CD36: variants seen among roughly 807,000 people sequenced by gnomAD.
CD36 encodes platelet glycoprotein 4.
A neutral mutation model predicts 55.2 loss-of-function variants in CD36; 119 were observed. That is an observed-to-expected ratio of 2.15 (90% confidence interval 1.86 to 2.51). CD36 has a LOEUF of 2.51. Ranked by LOEUF, CD36 falls within the 30% of genes most tolerant of loss-of-function variation. The pLI, the probability that CD36 is intolerant of heterozygous loss-of-function variation, is 0.00. For missense variants in CD36, 819 were observed against 555.5 expected (o/e 1.47, Z -4.77); for synonymous variants, 186 against 193.6 (o/e 0.96, Z 0.33).
chr7:80,635,506 C>T (rs889160992), upstream of CD36, among the ~76,000 whole-genome samples: 2 of 152,088 alleles, frequency 1.3e-5, no homozygotes, highest in African/African-American at 4.8e-5. Flanking sequence ...AACTCCTGAC[C>T]TCAAGTGATC....
intron 1 of CD36, among the ~76,000 whole-genome samples, chr7:80,604,392 G>T (rs1792426210): frequency 1.4e-4 from 6 of 41,702 alleles, no homozygotes; most frequent in East Asian, 6.7e-4. Context: ...TTTTTTTTTA[G>T]CAAAGTATGC....
At chr7:80,663,574 T>TTTTAA (rs1249312704) in intron 6 of CD36, among the ~76,000 whole-genome samples, 2 of 147,616 alleles carry the variant, frequency 1.4e-5, no homozygotes, top group Non-Finnish European at 2.9e-5. Context: ...CCTCTTACAA[T>TTTTAA]TTTAATTTAT....
upstream of CD36, among the ~76,000 whole-genome samples, chr7:80,637,568 G>C (rs1165402576): frequency 1.3e-5 from 2 of 150,602 alleles, no homozygotes; most frequent in African/African-American, 2.4e-5. Context: ...GAGTGTTTGG[G>C]GTTTTTTTTT....
chr7:80,663,774 G>GCTAA (rs1483027978), intron 6 of CD36, among the ~76,000 whole-genome samples: 4 of 152,106 alleles, frequency 2.6e-5, no homozygotes, highest in Admixed American at 1.3e-4. Flanking sequence ...AATAGGATAA[G>GCTAA]CTAACTACTG....
At chr7:80,651,617 G>A (rs1359921899) in intron 3 of CD36, among the ~76,000 whole-genome samples, 1 of 152,000 alleles carries the variant, frequency 6.6e-6, no homozygotes, top group Non-Finnish European at 1.5e-5. Context: ...CATTAAAATG[G>A]TTATACATGG....
intron 4 of CD36, among the ~76,000 whole-genome samples, chr7:80,658,646 C>T (rs1485662544): frequency 6.6e-6 from 1 of 152,138 alleles, no homozygotes; most frequent in East Asian, 1.9e-4. Context: ...GCGCATGCCA[C>T]TATACCCAGC....
In CD36 at chr7:80,677,125, A is replaced by C. The variant is rs1798189221; in HGVS notation, c.*742A>C. ...TTATAAATCCATAGTCCTTGCTGAA[A>C]TATGCTTTCTAAATTTCTACCACTT... On this transcript the variant is annotated 3_prime_UTR_variant, in exon 15 of 15. Coordinates refer to ENST00000447544, the MANE Select transcript of CD36 (RefSeq NM_001001548.3). 2 of 152,182 alleles carry C rather than the reference A, an allele frequency of 1.3e-5. No homozygotes were observed. Among genetic ancestry groups the C allele is most frequent in the African/African-American group, 4.8e-5 (2 of 41,442 alleles). The allele number at this position is 152,182 out of a possible 1,614,324, so 9.4% of individuals were successfully genotyped here.
chr7:80,647,731 T>A (rs992905956), intron 3 of CD36, among the ~76,000 whole-genome samples: 11 of 152,262 alleles, frequency 7.2e-5, no homozygotes, highest in African/African-American at 2.6e-4. Context: ...AAGAACAAGA[T>A]AAAATGAAGA....
At chr7:80,673,076 A>C (rs1797875670) in intron 12 of CD36, 1 of 534,972 alleles carries the variant, frequency 1.9e-6, no homozygotes, top group Non-Finnish European at 3.3e-6. Flanking sequence ...TTAGCTGCCC[A>C]AATATTTCTA....
Position 80,654,504 on chromosome 7 carries a change from G to A in CD36, c.121-2036G>A, listed in dbSNP as rs879473603. Among the ~76,000 whole-genome samples, 12 of 152,004 alleles carry A rather than the reference G, an allele frequency of 7.9e-5. 1 individual carries two copies. The highest frequency in any genetic ancestry group is 6.6e-4 in the Admixed American group (10 of 15,238). On this transcript the variant is annotated intron_variant, in intron 3 of 14. Coordinates refer to ENST00000447544, the MANE Select transcript of CD36 (RefSeq NM_001001548.3). ...GTCTCTTGAAATGGAGAAATCAACC[G>A]TTTTCAGCTTCTATTTAGCTTTGAG...
At chr7:80,663,490 C>T (rs939541011) in intron 6 of CD36, among the ~76,000 whole-genome samples, 1 of 151,866 alleles carries the variant, frequency 6.6e-6, no homozygotes, top group African/African-American at 2.4e-5. Flanking sequence ...CTTTTATTTC[C>T]CTATTCACAT....
rs1436932550 is a variant in CD36, at chr7:80,610,571, T to G, written c.-184+8192T>G. 1.3e-5 allele frequency among the ~76,000 whole-genome samples: 2 copies of G among 149,886 alleles called. 1 individual carries two copies. The highest frequency in any genetic ancestry group is 1.3e-4 in the Admixed American group (2 of 15,136). ...TTTTAATTTTATTTATTTATTTATT[T>G]TTTATCTTTTATCTTTTTTGAGACG... On this transcript the variant is annotated intron_variant, in intron 1 of 13. Coordinates refer to the CD36 transcript ENST00000309881.
At chr7:80,636,480 CT>C (rs1225540863), upstream of CD36, among the ~76,000 whole-genome samples, 16 of 148,772 alleles carry the variant, frequency 1.1e-4, no homozygotes, top group Non-Finnish European at 1.9e-4. Flanking sequence ...GCCCGGTAGC[CT>C]GAGGATTTAA....
intron 7 of CD36, among the ~76,000 whole-genome samples, chr7:80,665,352 G>T (rs936606026): frequency 6.7e-6 from 1 of 148,928 alleles, no homozygotes; most frequent in Non-Finnish European, 1.5e-5. Context: ...TTCTGAAAAA[G>T]AATAAAGTGA....
At chr7:80,652,478 C>T (rs1361036012) in intron 3 of CD36, among the ~76,000 whole-genome samples, 1 of 152,182 alleles carries the variant, frequency 6.6e-6, no homozygotes, top group African/African-American at 2.4e-5. Flanking sequence ...ACTGTCACTA[C>T]AATTCTAATT....
At chr7:80,644,574 T>C (rs1203182762) in intron 1 of CD36, among the ~76,000 whole-genome samples, 1 of 152,200 alleles carries the variant, frequency 6.6e-6, no homozygotes, top group Non-Finnish European at 1.5e-5. Flanking sequence ...AAAATATCAT[T>C]TTCTTATTCT....
At chr7:80,630,218 A>G (rs777998242) in intron 1 of CD36, among the ~76,000 whole-genome samples, 1 of 152,040 alleles carries the variant, frequency 6.6e-6, no homozygotes, top group Non-Finnish European at 1.5e-5. Flanking sequence ...TCAAACTGTC[A>G]TCGGGGTGGT....
chr7:80,664,020 T>TATTA (rs1328294896), intron 6 of CD36, among the ~76,000 whole-genome samples: 1 of 152,024 alleles, frequency 6.6e-6, no homozygotes, highest in Non-Finnish European at 1.5e-5. Flanking sequence ...AGTAACCACT[T>TATTA]ATTATCATTT....
At position 80,678,310 on chromosome 7, in the gene CD36, G is replaced by C. The variant is rs543282660; in HGVS notation, c.*1927G>C. 6.6e-6 allele frequency: 1 copy of C among 152,168 alleles called. No homozygotes were observed. The highest frequency in any genetic ancestry group is 2.4e-5 in the African/African-American group (1 of 41,524). 9.4% of individuals were successfully genotyped at this position (152,168 alleles called of 1,614,324 possible). Reference sequence around the variant, plus strand: ...AGAAGCACATTTTCTTTCCAAAGCTGGTTATTAACCACAGAATTATAGCAG... The same window carrying C: ...AGAAGCACATTTTCTTTCCAAAGCTCGTTATTAACCACAGAATTATAGCAG... On this transcript the variant is annotated 3_prime_UTR_variant, in exon 15 of 15. Coordinates refer to ENST00000447544, the MANE Select transcript of CD36 (RefSeq NM_001001548.3).
Sources: allele counts gnomAD v4.1 joint callset (sites outside exome capture counted in the v4.1 genomes callset), GRCh38; gene constraint gnomAD v4.1.1; transcripts MANE v1.5; gene names NCBI Gene and HGNC (gene_info 2026-07-23, HGNC 2026-07-21).